TTC14: variants seen among roughly 807,000 people sequenced by gnomAD.
TTC14 encodes tetratricopeptide repeat domain 14.
A neutral mutation model predicts 79.9 loss-of-function variants in TTC14; 63 were observed. That is an observed-to-expected ratio of 0.79 (90% CI 0.64 to 0.97). The LOEUF (loss-of-function observed/expected upper bound fraction) is 0.97, where lower values mean the gene tolerates loss of function less well. Ranked by LOEUF, TTC14 falls within the 50% of genes least tolerant of loss-of-function variation. TTC14 has a pLI of 0.00. For missense variants in TTC14, 895 were observed against 894.0 expected, an observed-to-expected ratio of 1.00 and a Z score of -0.01; for synonymous variants, 335 against 309.6, an observed-to-expected ratio of 1.08 and a Z score of -0.86.
At chr3:180,615,955 C>T (rs986879985), downstream of TTC14, among the ~76,000 whole-genome samples, 2 of 152,144 alleles carry the variant, frequency 1.3e-5, no homozygotes, top group African/African-American at 4.8e-5. Context: ...AAAAATTCCC[C>T]CAACTTGGGG....
In TTC14 at chr3:180,610,889, A is replaced by T. The variant is rs2108399665; in HGVS notation, c.*347A>T. The T allele has an allele frequency of 1.0e-6, 1 of 987,844 alleles. No homozygotes were observed. Among genetic ancestry groups the T allele is most frequent in the African/African-American group, 1.7e-5 (1 of 57,424 alleles). 61.2% of individuals were successfully genotyped at this position (987,844 alleles called of 1,614,324 possible). On this transcript the variant is annotated 3_prime_UTR_variant, in exon 12 of 12. Transcript: ENST00000296015. ...TCTTATTCTGCTGTTTGAGAGAAAA[A>T]TTTGTGCATTGAACACTTGGATCAT... is the stretch of plus-strand genomic sequence containing the variant.
chr3:180,613,333 G>GAGAT (rs1464346479), downstream of TTC14, among the ~76,000 whole-genome samples: 1 of 152,166 alleles, frequency 6.6e-6, no homozygotes, highest in Non-Finnish European at 1.5e-5. Flanking sequence ...TCCAGATTTG[G>GAGAT]AGATAGGTTG....
At position 180,604,948 on chromosome 3, in the gene TTC14, T is replaced by C. The variant is rs1467849803; in HGVS notation, c.798T>C (p.Leu266=). Residue 266 remains leucine, a synonymous_variant, in exon 6 of 12, where the codon CTT becomes CTC. Coordinates refer to ENST00000296015, the MANE Select transcript of TTC14 (RefSeq NM_133462.4). ...GFVNPGVVEF[L]LEKLGIDESN... ...TTAATCCAGGAGTAGTTGAATTCCT[T>C]CTAGAAAAACTAGGAATAGATGAAT... 1.9e-6 allele frequency: 3 copies of C among 1,614,088 alleles called. No homozygotes were observed. The South Asian group carries it at 3.3e-5, about 18-fold the overall frequency.
intron 12 of TTC14, chr3:180,616,857 T>C: frequency 1.2e-6 from 2 of 1,608,894 alleles, no homozygotes; most frequent in East Asian, 2.2e-5. Context: ...TTTTGGCTTC[T>C]GCTCCTCCGT....
At chr3:180,605,683 C>T (rs1576919947) in intron 6 of TTC14, 83 bp from the exon 7 acceptor site, 15 of 925,386 alleles carry the variant, frequency 1.6e-5, no homozygotes, top group African/African-American at 5.3e-5. Flanking sequence ...CTTTCACTGT[C>T]GAGTGCCTGT....
chr3:180,613,008 A>G (rs1717087097), downstream of TTC14, among the ~76,000 whole-genome samples: 1 of 152,218 alleles, frequency 6.6e-6, no homozygotes, highest in African/African-American at 2.4e-5. Flanking sequence ...AATTAGAGAA[A>G]TGCAAATTAA....
chr3:180,602,600 G>C, intron 1 of TTC14, 178 bp downstream of exon 1: 2 of 850,602 alleles, frequency 2.4e-6, no homozygotes, highest in South Asian at 1.8e-5. Context: ...TGCAATGCGG[G>C]ATGCGGGCTG....
Position 180,609,852 on chromosome 3 carries a change from T to G in TTC14, c.1623T>G (p.Ala541=), listed in dbSNP as rs1716894446. The change falls in exon 12 of 12, where the codon GCT becomes GCG. Residue 541 remains alanine (A), a synonymous_variant. Transcript: ENST00000296015. ...AAGATGAGTGCTACCCAGTTCCAGC[T>G]AATACTTCAGCATCTTTTCTTAACC... ...NRKDECYPVP[A]NTSASFLNHK... 1 of 1,613,746 alleles carries G rather than the reference T, an allele frequency of 6.2e-7. No homozygotes were observed. Among genetic ancestry groups the G allele is most frequent in the Non-Finnish European group, 8.5e-7 (1 of 1,179,868 alleles).
intron 11 of TTC14, chr3:180,609,017 G>C: frequency 9.4e-7 from 1 of 1,062,770 alleles, no homozygotes; most frequent in Non-Finnish European, 1.2e-6. Context: ...TACAAAAAAA[G>C]AGTATCTTAG....
intron 3 of TTC14, chr3:180,603,826 T>A (rs1473452816): frequency 4.4e-6 from 1 of 227,560 alleles, no homozygotes; most frequent in Non-Finnish European, 8.7e-6. Context: ...ATTTGCCATC[T>A]ATCCAGGCAG....
At chr3:180,606,950 T>C (rs1202239141) in intron 9 of TTC14, among the ~76,000 whole-genome samples, 2 of 152,178 alleles carry the variant, frequency 1.3e-5, no homozygotes, top group Non-Finnish European at 2.9e-5. Flanking sequence ...TAACTACTTA[T>C]ATGTGGTTGT....
At chr3:180,609,246 ACCCGC>A in intron 11 of TTC14, 2 of 238,146 alleles carry the variant, frequency 8.4e-6, no homozygotes, top group Non-Finnish European at 1.4e-5. Flanking sequence ...GTCAGCTCCC[ACCCGC>A]ACCCCCACCC....
chr3:180,609,913 G>A lies in TTC14; in HGVS notation c.1684G>A (p.Asp562Asn), dbSNP rs754063031. ...QEVEKLLGKQDRLQYEKTQIK... is the reference protein window; with the variant it reads ...QEVEKLLGKQNRLQYEKTQIK... ...AGTGGAGAAACTACTGGGGAAGCAG[G>A]ATAGGTTACAGTATGAAAAGACACA... The change falls in exon 12 of 12, where the codon GAT (aspartate) becomes AAT (asparagine). Residue 562 changes from aspartate (D) to asparagine (N), a missense_variant. Asp to Asn is a conservative substitution (Grantham distance 23, BLOSUM62 1). Transcript: ENST00000296015. The A allele has an allele frequency of 2.0e-5, 32 of 1,613,914 alleles. No individual in the cohort carries two copies. Among genetic ancestry groups the A allele is most frequent in the Middle Eastern group, 1.6e-4 (1 of 6,084 alleles).
rs755582194 is a variant in TTC14 at position 180,610,195 on chromosome 3, GAGCAC to G, written c.1967_1971del (p.Glu656ValfsTer2). ...TGAAAAGGATATAGAGGGAAGAAAA[GAGCAC>G]TATAGAAGGTGGGAACCAGGTTCTG... On this transcript the variant is annotated frameshift_variant, in exon 12 of 12. Transcript: ENST00000296015. LOFTEE classifies it high-confidence loss of function. 29 of 1,613,838 alleles carry G rather than the reference GAGCAC, an allele frequency of 1.8e-5. No homozygotes were observed. The South Asian group carries it at 3.2e-4, about 18-fold the overall frequency.
intron 4 of TTC14, 51 bp from the exon 5 acceptor site, chr3:180,604,427 A>G: frequency 1.3e-6 from 2 of 1,556,066 alleles, no homozygotes; most frequent in Non-Finnish European, 1.7e-6. Flanking sequence ...TTTTTATGTT[A>G]GTTTACATTT....
Position 180,607,720 on chromosome 3 carries a change from T to C in TTC14, c.1245T>C (p.Phe415=), listed in dbSNP as rs367992542. The C allele has an allele frequency of 2.5e-6, 4 of 1,612,396 alleles. No individual in the cohort carries two copies. The African/African-American group carries it at 5.3e-5, about 22-fold the overall frequency. The change falls in exon 10 of 12, where the codon TTT becomes TTC. Residue 415 remains phenylalanine (F), a synonymous_variant. Transcript: ENST00000296015. ...YKKALALDET[F]KDAEDALQKL... Reference sequence around the variant, plus strand: ...AAGCTTTGGCTTTGGATGAGACTTTTAAAGATGCAGAGGATGCTTTGCAGA... The same window carrying C: ...AAGCTTTGGCTTTGGATGAGACTTTCAAAGATGCAGAGGATGCTTTGCAGA...
rs1716871268 is a variant in TTC14 at position 180,609,513 on chromosome 3, A to G, written c.1401-117A>G. 9.7e-6 allele frequency: 13 copies of G among 1,342,846 alleles called. No homozygotes were observed. The East Asian group carries it at 3.3e-4, about 34-fold the overall frequency. 83.2% of individuals were successfully genotyped at this position (1,342,846 alleles called of 1,614,324 possible). ...TTGTAGTAGCCGAGATTATTGTATC[A>G]TTTATCTGAACCACAGCTTTTATAA... On this transcript the variant is annotated intron_variant, in intron 11 of 11. Coordinates refer to ENST00000296015, the MANE Select transcript of TTC14 (RefSeq NM_133462.4).
At position 180,611,052 on chromosome 3, in the gene TTC14, A is replaced by T. The variant is rs570408944; in HGVS notation, c.*510A>T. Reference sequence around the variant, plus strand: ...TTACATTTTTTGCCCAATTTTTTTTAAAATTTTTAAATGGTAGATTATATG... The same window carrying T: ...TTACATTTTTTGCCCAATTTTTTTTTAAATTTTTAAATGGTAGATTATATG... On this transcript the variant is annotated 3_prime_UTR_variant, in exon 12 of 12. Transcript: ENST00000296015. 624 of 958,164 alleles carry T rather than the reference A, an allele frequency of 6.5e-4. No homozygotes were observed. Among genetic ancestry groups the T allele is most frequent in the African/African-American group, 1.9e-3 (106 of 56,800 alleles). The allele number at this position is 958,164 out of a possible 1,614,324, so 59.4% of individuals were successfully genotyped here. A position where few individuals can be genotyped will look rare whatever the true frequency, so the allele number is the denominator to read the frequency against.
intron 12 of TTC14, chr3:180,616,178 G>A: frequency 1.1e-6 from 1 of 889,872 alleles, no homozygotes; most frequent in East Asian, 2.6e-5. Flanking sequence ...CTGGCAGTGA[G>A]TGCATGGGCC....
Sources: gnomAD v4.1 joint callset for allele counts (sites outside exome capture counted in the v4.1 genomes callset) on GRCh38, gnomAD v4.1.1 for gene constraint, MANE v1.5 for transcripts, NCBI Gene and HGNC (gene_info 2026-07-23, HGNC 2026-07-21) for gene names.